NCAM2: variants seen among roughly 807,000 people sequenced by gnomAD.
NCAM2 encodes the protein neural cell adhesion molecule 2.
Under a neutral mutation model 98.1 loss-of-function variants are expected in NCAM2, and 30 were observed. The ratio of observed to expected loss-of-function variants is 0.31; its 90% CI spans 0.23 to 0.41. The LOEUF (loss-of-function observed/expected upper bound fraction) is 0.41. Ranked by LOEUF, NCAM2 falls within the 10% of genes least tolerant of loss-of-function variation. The pLI is 1.00. For missense variants in NCAM2, 867 were observed against 1,005.8 expected, an observed-to-expected ratio of 0.86 and a Z score of 1.87; for synonymous variants, 368 against 342.4, an observed-to-expected ratio of 1.07 and a Z score of -0.83.
At chr21:21,079,340 TAA>T (rs1361915788) in intron 1 of NCAM2, among the ~76,000 whole-genome samples, 3 of 152,166 alleles carry the variant, frequency 2.0e-5, no homozygotes, top group Non-Finnish European at 4.4e-5. Flanking sequence ...AAACTTTTAA[TAA>T]GACACCTCTA....
intron 14 of NCAM2, among the ~76,000 whole-genome samples, chr21:21,470,766 AT>A (rs1292502701): frequency 6.6e-6 from 1 of 151,684 alleles, no homozygotes; most frequent in African/African-American, 2.4e-5. Context: ...GATTGTATTA[AT>A]TCATACATAA....
intron 1 of NCAM2, among the ~76,000 whole-genome samples, chr21:21,219,858 T>C (rs1043829124): frequency 6.6e-6 from 1 of 152,174 alleles, no homozygotes; most frequent in Non-Finnish European, 1.5e-5. Flanking sequence ...GACAGTGATA[T>C]TGATAATTCT....
chr21:21,462,735 T>C (rs1237446270), intron 12 of NCAM2, among the ~76,000 whole-genome samples: 1 of 152,070 alleles, frequency 6.6e-6, no homozygotes, highest in Non-Finnish European at 1.5e-5. Flanking sequence ...TTCAGTTATA[T>C]ATAAATGATG....
At chr21:21,286,232 T>C (rs1006752847) in intron 3 of NCAM2, 37 bp from the exon 4 acceptor site, 14 of 1,391,394 alleles carry the variant, frequency 1.0e-5, no homozygotes, top group Non-Finnish European at 1.3e-5. Context: ...ACTTTTGTGA[T>C]TTGTGATTTG....
rs9980135 is a variant in NCAM2 at position 21,447,471 on chromosome 21, G to A, written c.1654+15190G>A. On this transcript the variant is annotated intron_variant, in intron 12 of 17. Coordinates refer to ENST00000400546, the MANE Select transcript of NCAM2 (RefSeq NM_004540.5). ...CCTAGAAGAAAACCTAGGCAATGCA[G>A]TTCAAGACGTAGGCATGGGCAAAAA... Among the ~76,000 whole-genome samples the A allele has an allele frequency of 7.8e-3, 1,188 of 152,136 alleles. 20 individuals carry two copies. Among genetic ancestry groups the A allele is most frequent in the African/African-American group, 0.027 (1,106 of 41,522 alleles).
At chr21:21,441,490 G>T (rs1010132569) in intron 12 of NCAM2, among the ~76,000 whole-genome samples, 1 of 152,006 alleles carries the variant, frequency 6.6e-6, no homozygotes, top group African/African-American at 2.4e-5. Context: ...CAAATATTTG[G>T]ACTATATCAA....
At chr21:21,515,054 A>G (rs986846231) in intron 16 of NCAM2, among the ~76,000 whole-genome samples, 2 of 152,196 alleles carry the variant, frequency 1.3e-5, no homozygotes, top group Admixed American at 6.5e-5. Flanking sequence ...AAATGTTACA[A>G]TTTGTATTGG....
intron 12 of NCAM2, among the ~76,000 whole-genome samples, chr21:21,446,132 T>C (rs2146103692): frequency 6.6e-6 from 1 of 152,280 alleles, no homozygotes. Context: ...TTGAAAATGC[T>C]TTTCTTTAAG....
chr21:21,425,127 A>G (rs2077188614), intron 11 of NCAM2, among the ~76,000 whole-genome samples: 3 of 150,174 alleles, frequency 2.0e-5, no homozygotes. Context: ...ATTTTTATTC[A>G]TAAAGCAACA....
At chr21:21,317,652 C>A (rs939198964) in intron 5 of NCAM2, among the ~76,000 whole-genome samples, 6 of 152,142 alleles carry the variant, frequency 3.9e-5, no homozygotes, top group African/African-American at 1.4e-4. Flanking sequence ...CCCATCTCAG[C>A]CTCTTAAATA....
At chr21:21,368,850 T>A (rs147930715) in intron 8 of NCAM2, among the ~76,000 whole-genome samples, 7 of 151,996 alleles carry the variant, frequency 4.6e-5, no homozygotes, top group African/African-American at 1.7e-4. Context: ...GTGTGAGTGA[T>A]CTTTTTAAAT....
At chr21:21,159,143 A>T (rs950601139) in intron 1 of NCAM2, among the ~76,000 whole-genome samples, 6 of 152,194 alleles carry the variant, frequency 3.9e-5, no homozygotes, top group African/African-American at 1.4e-4. Context: ...TAAAAAATTG[A>T]AAGTAGAAAA....
At chr21:21,085,945 T>G (rs950901893) in intron 1 of NCAM2, among the ~76,000 whole-genome samples, 1 of 152,194 alleles carries the variant, frequency 6.6e-6, no homozygotes. Context: ...GGAAATAAAT[T>G]TATTAAGCAC....
At chr21:21,101,866 TG>T (rs1349797260) in intron 1 of NCAM2, among the ~76,000 whole-genome samples, 1 of 152,084 alleles carries the variant, frequency 6.6e-6, no homozygotes, top group Non-Finnish European at 1.5e-5. Context: ...GACTACTACT[TG>T]AAAATCATAG....
intron 1 of NCAM2, among the ~76,000 whole-genome samples, chr21:21,052,683 G>T (rs1315678661): frequency 6.6e-6 from 1 of 152,022 alleles, no homozygotes; most frequent in African/African-American, 2.4e-5. Context: ...ACCTCTGGTG[G>T]CCTGTAATCC....
At chr21:21,452,995 A>G (rs1372228870) in intron 12 of NCAM2, among the ~76,000 whole-genome samples, 1 of 90,312 alleles carries the variant, frequency 1.1e-5, no homozygotes, top group Non-Finnish European at 1.9e-5. Context: ...ATATTATATT[A>G]TATAATATAT....
chr21:21,373,751 C>CT (rs2075971726), intron 8 of NCAM2, 112 bp from the exon 9 acceptor site: 2 of 981,790 alleles, frequency 2.0e-6, no homozygotes, highest in East Asian at 2.9e-5. Flanking sequence ...GGAACAGTTT[C>CT]TTTTTTCTTT....
intron 1 of NCAM2, among the ~76,000 whole-genome samples, chr21:21,187,689 C>A (rs1017161721): frequency 6.6e-6 from 1 of 152,146 alleles, no homozygotes; most frequent in African/African-American, 2.4e-5. Context: ...CAAAATGGTG[C>A]TAGTTATTAA....
At chr21:21,002,824 T>C (rs1158329770) in intron 1 of NCAM2, among the ~76,000 whole-genome samples, 1 of 152,172 alleles carries the variant, frequency 6.6e-6, no homozygotes, top group Non-Finnish European at 1.5e-5. Flanking sequence ...TTTTCAAATT[T>C]TGTTGTCCTA....
Sources: allele counts gnomAD v4.1 joint callset (sites outside exome capture counted in the v4.1 genomes callset), GRCh38; gene constraint gnomAD v4.1.1; transcripts MANE v1.5; gene names NCBI Gene and HGNC (gene_info 2026-07-23, HGNC 2026-07-21).